RGS6: variants seen among roughly 807,000 people sequenced by gnomAD.
The protein encoded by RGS6 is regulator of G protein signaling 6.
RGS6 carries 30 observed loss-of-function variants against 78.5 expected under a neutral mutation model. That is an observed-to-expected ratio of 0.38 (90% CI 0.29 to 0.52). The LOEUF is 0.52. RGS6 is among the 20% of genes least tolerant of loss of function. The pLI, the probability that RGS6 is intolerant of heterozygous loss-of-function variation, is 0.85. For missense variants in RGS6, 495 were observed against 609.7 expected (o/e 0.81, Z 1.98); for synonymous variants, 206 against 206.0 (o/e 1.00, Z 0.00).
At chr14:72,542,838 A>G (rs1237972434) in intron 17 of RGS6, among the ~76,000 whole-genome samples, 1 of 151,536 alleles carries the variant, frequency 6.6e-6, no homozygotes, top group Non-Finnish European at 1.5e-5. Flanking sequence ...TTGTGCCATG[A>G]CATAGAGGGA....
intron 3 of RGS6, among the ~76,000 whole-genome samples, chr14:72,374,541 A>T (rs951649125): frequency 1.3e-5 from 2 of 152,214 alleles, no homozygotes; most frequent in African/African-American, 4.8e-5. Flanking sequence ...AACTTTCTCT[A>T]TTTCAGTACT....
At position 72,374,818 on chromosome 14, in the gene RGS6, G is replaced by T. The variant is rs1382050295; in HGVS notation, c.184+22624G>T. Among the ~76,000 whole-genome samples the T allele has an allele frequency of 1.3e-5, 2 of 152,186 alleles. 1 individual carries two copies. Among genetic ancestry groups the T allele is most frequent in the Middle Eastern group, 6.3e-3 (2 of 316 alleles). On this transcript the variant is annotated intron_variant, in intron 3 of 17. Transcript: ENST00000553525. ...AGGTCAAAGCTGGTAACTATCTGCAGTTCCATATGCTTAACATAATGTTTT... is the reference window on the plus strand; with the variant it reads ...AGGTCAAAGCTGGTAACTATCTGCATTTCCATATGCTTAACATAATGTTTT...
chr14:72,239,333 T>C (rs911882375), intron 2 of RGS6, among the ~76,000 whole-genome samples: 1 of 152,188 alleles, frequency 6.6e-6, no homozygotes, highest in African/African-American at 2.4e-5. Context: ...AAGTCATACT[T>C]TGCCATTTTG....
chr14:72,018,464 T>C (rs2087591410), intron 2 of RGS6, among the ~76,000 whole-genome samples: 1 of 152,204 alleles, frequency 6.6e-6, no homozygotes, highest in Admixed American at 6.5e-5. Context: ...CATTCATTAG[T>C]CCAGGACCAA....
At chr14:72,030,733 A>G (rs1315541439) in intron 2 of RGS6, among the ~76,000 whole-genome samples, 4 of 152,234 alleles carry the variant, frequency 2.6e-5, no homozygotes, top group Non-Finnish European at 2.9e-5. Flanking sequence ...TGTGTTAACA[A>G]TATCATTATC....
intron 3 of RGS6, among the ~76,000 whole-genome samples, chr14:72,361,321 G>A (rs2081415706): frequency 6.6e-6 from 1 of 152,150 alleles, no homozygotes; most frequent in East Asian, 1.9e-4. Flanking sequence ...CAGAGGCACA[G>A]TAACTAAAAT....
chr14:72,060,103 T>G (rs946908880), intron 2 of RGS6, among the ~76,000 whole-genome samples: 10 of 152,144 alleles, frequency 6.6e-5, no homozygotes, highest in Admixed American at 3.3e-4. Flanking sequence ...TCCTGTGCCA[T>G]GAGGAGATGT....
chr14:72,047,898 GTTT>G (rs869098348), intron 2 of RGS6, among the ~76,000 whole-genome samples: 31 of 29,664 alleles, frequency 1.0e-3, no homozygotes, highest in African/African-American at 4.6e-3. Context: ...GCTAATTTTT[GTTT>G]TTTTTTTTTT....
intron 2 of RGS6, among the ~76,000 whole-genome samples, chr14:72,267,259 T>A (rs1480834748): frequency 2.6e-5 from 4 of 152,204 alleles, no homozygotes; most frequent in Non-Finnish European, 4.4e-5. Flanking sequence ...CCAATTTTTA[T>A]ATGTTTAGAT....
chr14:72,053,884 A>T (rs1252029541), intron 2 of RGS6, among the ~76,000 whole-genome samples: 1 of 152,228 alleles, frequency 6.6e-6, no homozygotes, highest in Non-Finnish European at 1.5e-5. Flanking sequence ...ATGTATTCAA[A>T]TGCTTCCTGG....
intron 2 of RGS6, among the ~76,000 whole-genome samples, chr14:72,084,810 A>G (rs2094959771): frequency 6.6e-6 from 1 of 152,102 alleles, no homozygotes; most frequent in Admixed American, 6.6e-5. Context: ...TCACCAGCTC[A>G]GTGTATAGTA....
At chr14:72,085,768 C>T (rs1320953437) in intron 2 of RGS6, among the ~76,000 whole-genome samples, 5 of 147,302 alleles carry the variant, frequency 3.4e-5, no homozygotes, top group East Asian at 2.1e-4. Flanking sequence ...GCAGGAGAAT[C>T]GCTTGAACCC....
At chr14:72,620,977 C>T in the RGS6 span, among the ~76,000 whole-genome samples, 1 of 152,116 alleles carries the variant, frequency 6.6e-6, no homozygotes, top group Non-Finnish European at 1.5e-5. Context: ...CCCATCTCTA[C>T]TAACAATACA....
chr14:72,325,922 G>T (rs537647957), intron 2 of RGS6, among the ~76,000 whole-genome samples: 1 of 152,232 alleles, frequency 6.6e-6, no homozygotes, highest in East Asian at 1.9e-4. Context: ...GGGAAATAAG[G>T]TACCCTCATA....
intron 2 of RGS6, among the ~76,000 whole-genome samples, chr14:72,087,262 C>T (rs1017184438): frequency 1.2e-4 from 18 of 152,070 alleles, no homozygotes; most frequent in African/African-American, 4.1e-4. Context: ...TCCCAAGTAG[C>T]TAGGATTACA....
At chr14:72,477,796 C>CAAA (rs10656616) in intron 11 of RGS6, among the ~76,000 whole-genome samples, 6 of 101,884 alleles carry the variant, frequency 5.9e-5, no homozygotes, top group South Asian at 3.2e-4. Context: ...GACTCTGTCT[C>CAAA]AAAAAAAAAA....
the RGS6 span, among the ~76,000 whole-genome samples, chr14:72,604,293 G>C: frequency 6.6e-6 from 1 of 152,166 alleles, no homozygotes; most frequent in Admixed American, 6.5e-5. Flanking sequence ...AGGCGGGTTT[G>C]TTCAAATTGC....
intron 17 of RGS6, chr14:72,550,395 C>A: frequency 1.5e-6 from 2 of 1,361,688 alleles, no homozygotes; most frequent in African/African-American, 1.4e-5. Context: ...CCACACCATG[C>A]CCCTGGCTTT....
intron 2 of RGS6, among the ~76,000 whole-genome samples, chr14:72,257,682 C>T (rs2057351438): frequency 6.6e-6 from 1 of 152,092 alleles, no homozygotes; most frequent in Non-Finnish European, 1.5e-5. Context: ...AAAGTAGGCT[C>T]GTTAGTAAGA....
Sources: allele counts gnomAD v4.1 joint callset (sites outside exome capture counted in the v4.1 genomes callset), GRCh38; gene constraint gnomAD v4.1.1; transcripts MANE v1.5; gene names NCBI Gene and HGNC (gene_info 2026-07-23, HGNC 2026-07-21).